Variants in DIP2C observed in about 807,000 individuals in gnomAD.
The protein encoded by DIP2C is DIP2 acetate--CoA ligase C (putative).
Under a neutral mutation model 192.4 loss-of-function variants are expected in DIP2C, and 33 were observed. That is an observed-to-expected ratio of 0.17 (90% CI 0.13 to 0.23). DIP2C has a LOEUF of 0.23. Ranked by LOEUF, DIP2C falls within the 10% of genes least tolerant of loss-of-function variation. The probability of loss-of-function intolerance (pLI) is 1.00; values close to 1 mark genes in which losing one functional copy is unlikely to be tolerated. For missense variants in DIP2C, 1,537 were observed against 2,110.1 expected, an observed-to-expected ratio of 0.73 and a Z score of 5.32; for synonymous variants, 979 against 864.1, an observed-to-expected ratio of 1.13 and a Z score of -2.33.
chr10:535,309 C>T (rs1392305792), intron 1 of DIP2C, among the ~76,000 whole-genome samples: 3 of 151,234 alleles, frequency 2.0e-5, no homozygotes, highest in Admixed American at 6.6e-5. Flanking sequence ...AAGCAGCAGG[C>T]GAGAGGGGCG....
rs577115174 is a variant in DIP2C, at chr10:427,794, C to G, written c.395-4761G>C. On this transcript the variant is annotated intron_variant, in intron 4 of 36. Transcript: ENST00000280886. ...CTCATGATGTGGAGAAACTGGGATG[C>G]TCATATACTGCTGGTGGCAGTATGT... 5.3e-5 allele frequency among the ~76,000 whole-genome samples: 8 copies of G among 152,270 alleles called. No homozygotes were observed. The South Asian group carries it at 1.7e-3, about 32-fold the overall frequency.
intron 1 of DIP2C, among the ~76,000 whole-genome samples, chr10:515,350 C>T (rs530729026): frequency 7.9e-5 from 12 of 152,162 alleles, no homozygotes; most frequent in African/African-American, 2.4e-4. Context: ...AGCTGAAGTA[C>T]ATCCCTCTCC....
chr10:513,234 G>A (rs1327445915), intron 1 of DIP2C, among the ~76,000 whole-genome samples: 4 of 152,114 alleles, frequency 2.6e-5, no homozygotes, highest in Non-Finnish European at 4.4e-5. Flanking sequence ...TTTATGACTC[G>A]CTTTAGACAA....
chr10:571,718 G>T (rs894599529), intron 1 of DIP2C, among the ~76,000 whole-genome samples: 1 of 152,198 alleles, frequency 6.6e-6, no homozygotes. Context: ...TGCCCCGTGG[G>T]CTCCGTGTCC....
chr10:596,013 G>A (rs1395204998), intron 1 of DIP2C, among the ~76,000 whole-genome samples: 1 of 152,144 alleles, frequency 6.6e-6, no homozygotes, highest in East Asian at 1.9e-4. Context: ...CACCAAGGCT[G>A]GGGTGACTGC....
intron 1 of DIP2C, among the ~76,000 whole-genome samples, chr10:648,844 G>A (rs553347792): frequency 1.2e-3 from 179 of 148,830 alleles, no homozygotes; most frequent in African/African-American, 4.2e-3. Flanking sequence ...GACGGTGGGC[G>A]AGAACAGAGG....
chr10:671,936 G>A (rs1488783582), intron 1 of DIP2C, among the ~76,000 whole-genome samples: 2 of 135,416 alleles, frequency 1.5e-5, no homozygotes, highest in African/African-American at 5.7e-5. Flanking sequence ...GAGGAAACAG[G>A]CCACAGACAC....
intron 31 of DIP2C, among the ~76,000 whole-genome samples, chr10:321,475 C>G (rs1957007056): frequency 6.6e-6 from 1 of 152,118 alleles, no homozygotes; most frequent in Admixed American, 6.5e-5. Flanking sequence ...AGATAAAACT[C>G]TTCCCTCTCT....
intron 1 of DIP2C, among the ~76,000 whole-genome samples, chr10:488,049 C>CA (rs988645055): frequency 6.6e-6 from 1 of 152,230 alleles, no homozygotes; most frequent in African/African-American, 2.4e-5. Context: ...ATCTGAACCA[C>CA]AGAAGCAGCC....
In DIP2C at chr10:384,092, C is replaced by G. The variant is rs767033587; in HGVS notation, c.1811G>C (p.Arg604Thr). 11 of 1,612,380 alleles carry G rather than the reference C, an allele frequency of 6.8e-6. No homozygotes were observed. The highest frequency in any genetic ancestry group is 2.7e-5 in the African/African-American group (2 of 74,726). Residue 604 changes from arginine to threonine, a missense_variant, in exon 16 of 37, where the codon AGA becomes ACA. By Grantham distance (71) the Arg-to-Thr change is moderately conservative. This residue lies in a region of DIP2C where 677 missense variants were observed against 989.9 expected (regional missense o/e 0.68). Transcript: ENST00000280886. ...RDMHWALVAH[R>T]DQRDINLSSL... Reference sequence around the variant, plus strand: ...GGAGAGGTTGATGTCTCTCTGATCTCTGTGTGCTACTAATGCCCAATGCAT... The same window carrying G: ...GGAGAGGTTGATGTCTCTCTGATCTGTGTGTGCTACTAATGCCCAATGCAT...
chr10:426,851 A>G (rs1035812978), intron 4 of DIP2C, among the ~76,000 whole-genome samples: 4 of 151,334 alleles, frequency 2.6e-5, no homozygotes, highest in African/African-American at 9.7e-5. Context: ...CCAAACCACA[A>G]CAAACAAACA....
chr10:313,481 C>G (rs1292422805), intron 31 of DIP2C, among the ~76,000 whole-genome samples: 2 of 6,778 alleles, frequency 3.0e-4, no homozygotes, highest in Non-Finnish European at 4.6e-4. Context: ...TTCGAAAAAA[C>G]TGCACCTGAA....
In DIP2C at chr10:349,323, G is replaced by A. The variant is rs569472847; in HGVS notation, c.3109+8C>T. On this transcript the variant is annotated splice_region_variant and intron_variant, in intron 25 of 36. Coordinates refer to ENST00000280886, the MANE Select transcript of DIP2C (RefSeq NM_014974.3). ...ATCTCTCAGGGGAAGCCCACCCTGC[G>A]CCTGTACCTGGGGGGTAGACCAAGG... is the stretch of plus-strand genomic sequence containing the variant. 1.0e-5 allele frequency: 16 copies of A among 1,601,508 alleles called. No individual in the cohort carries two copies. The African/African-American group carries it at 1.3e-4, about 13-fold the overall frequency.
At chr10:588,387 AC>A (rs1261116179) in intron 1 of DIP2C, among the ~76,000 whole-genome samples, 5 of 152,230 alleles carry the variant, frequency 3.3e-5, no homozygotes, top group African/African-American at 4.8e-5. Context: ...CTTGTCATCA[AC>A]TGTCTTGTTA....
intron 2 of DIP2C, among the ~76,000 whole-genome samples, chr10:474,400 C>G (rs1242116687): frequency 6.6e-6 from 1 of 152,170 alleles, no homozygotes; most frequent in Non-Finnish European, 1.5e-5. Flanking sequence ...TTTCACAATT[C>G]TCCAGCAGAA....
chr10:371,162 ACCATCCCCTCACCCTG>A (rs2132796438), intron 17 of DIP2C, among the ~76,000 whole-genome samples: 1 of 142,192 alleles, frequency 7.0e-6, no homozygotes, highest in African/African-American at 2.5e-5. Context: ...CTCACCCTGC[ACCATCCCCTCACCCTG>A]CACCATCCCC....
At chr10:551,182 C>A (rs1398285954) in intron 1 of DIP2C, among the ~76,000 whole-genome samples, 1 of 152,220 alleles carries the variant, frequency 6.6e-6, no homozygotes, top group African/African-American at 2.4e-5. Flanking sequence ...CCCCTCCTTG[C>A]AGGTCTCGGC....
At position 582,134 on chromosome 10, in the gene DIP2C, A is replaced by T. The variant is rs139724958; in HGVS notation, c.86-95604T>A. Among the ~76,000 whole-genome samples, 354 of 152,142 alleles carry T rather than the reference A, an allele frequency of 2.3e-3. 5 individuals are homozygous for T. The highest frequency in any genetic ancestry group is 7.9e-3 in the African/African-American group (329 of 41,514). On this transcript the variant is annotated intron_variant, in intron 1 of 36. Transcript: ENST00000280886. Reference sequence around the variant, plus strand: ...AGGCGGAGCTCAGGCAGTCATGCTCACTCACCGGCCACCCACCCCCTGCTA... The same window carrying T: ...AGGCGGAGCTCAGGCAGTCATGCTCTCTCACCGGCCACCCACCCCCTGCTA...
intron 1 of DIP2C, among the ~76,000 whole-genome samples, chr10:513,847 A>C (rs1316684648): frequency 6.6e-6 from 1 of 152,248 alleles, no homozygotes; most frequent in Non-Finnish European, 1.5e-5. Context: ...AGTTTATACA[A>C]AAAGACATCT....
Sources: gnomAD v4.1 joint callset for allele counts (sites outside exome capture counted in the v4.1 genomes callset) on GRCh38, gnomAD v4.1.1 for gene constraint, gnomAD v4.1.1 regional missense constraint, MANE v1.5 for transcripts, NCBI Gene and HGNC (gene_info 2026-07-23, HGNC 2026-07-21) for gene names.